The following CENPF variants were observed in gnomAD, a reference collection of about 807,000 sequenced individuals.
The protein encoded by CENPF is centromere protein F, also known as AH antigen.
CENPF carries 214 observed loss-of-function variants against 307.3 expected under a neutral mutation model. The ratio of observed to expected loss-of-function variants is 0.70; its 90% CI spans 0.62 to 0.78. The LOEUF (loss-of-function observed/expected upper bound fraction) is 0.78. CENPF is among the 30% of genes least tolerant of loss of function. CENPF has a pLI of 0.00. For missense variants in CENPF, 3,401 were observed against 3,483.9 expected (o/e 0.98, Z 0.60); for synonymous variants, 1,259 against 1,270.6 (o/e 0.99, Z 0.19).
At chr1:214,624,144 T>C (rs2102541953) in intron 7 of CENPF, among the ~76,000 whole-genome samples, 1 of 152,226 alleles carries the variant, frequency 6.6e-6, no homozygotes, top group South Asian at 2.1e-4. Flanking sequence ...TCTTACAGTG[T>C]ATAATTTAAA....
chr1:214,662,123 T>A (rs1658801950), intron 19 of CENPF, among the ~76,000 whole-genome samples: 1 of 152,168 alleles, frequency 6.6e-6, no homozygotes, highest in Admixed American at 6.5e-5. Context: ...AAGAGGCTTA[T>A]AGGCTCAAAC....
At chr1:214,614,533 A>C (rs1409280018) in intron 2 of CENPF, among the ~76,000 whole-genome samples, 2 of 152,226 alleles carry the variant, frequency 1.3e-5, no homozygotes, top group Non-Finnish European at 1.5e-5. Flanking sequence ...CAAACTTGAA[A>C]ATGAATTGTT....
At chr1:214,654,023 T>C (rs1269541370) in intron 16 of CENPF, 4 of 152,236 alleles carry the variant, frequency 2.6e-5, no homozygotes, top group Non-Finnish European at 5.9e-5. Flanking sequence ...CTCTAACATT[T>C]ACTTGCAACA....
At chr1:214,637,374 A>G (rs1657991200) in intron 10 of CENPF, among the ~76,000 whole-genome samples, 1 of 152,132 alleles carries the variant, frequency 6.6e-6, no homozygotes, top group South Asian at 2.1e-4. Context: ...CTTGATAAGC[A>G]TTTATTGAAG....
intron 1 of CENPF, among the ~76,000 whole-genome samples, chr1:214,604,004 C>T (rs542877503): frequency 6.6e-6 from 1 of 152,004 alleles, no homozygotes; most frequent in African/African-American, 2.4e-5. Context: ...GTGCCCGGCT[C>T]GGCTGTGTAA....
intron 13 of CENPF, 111 bp downstream of exon 13, chr1:214,647,511 G>A: frequency 3.2e-6 from 4 of 1,251,810 alleles, no homozygotes; most frequent in Non-Finnish European, 4.3e-6. Flanking sequence ...CTGCTATATT[G>A]GACCAAACTT....
intron 10 of CENPF, among the ~76,000 whole-genome samples, chr1:214,637,035 C>T (rs1353325705): frequency 6.6e-6 from 1 of 152,142 alleles, no homozygotes. Context: ...ATAGGCCTCC[C>T]TAGTAGTAGA....
At chr1:214,618,460 C>T (rs902292783) in intron 3 of CENPF, 113 bp from the exon 4 acceptor site, 3 of 1,261,662 alleles carry the variant, frequency 2.4e-6, no homozygotes, top group Non-Finnish European at 3.3e-6. Flanking sequence ...GTTAAGAATT[C>T]TTAGTGGATG....
At chr1:214,631,868 C>T (rs570271847) in intron 9 of CENPF, among the ~76,000 whole-genome samples, 3 of 152,170 alleles carry the variant, frequency 2.0e-5, no homozygotes, top group Non-Finnish European at 2.9e-5. Flanking sequence ...ACTCTCCTAC[C>T]AGGTACAAGA....
At chr1:214,633,208 T>C (rs1657857113) in intron 10 of CENPF, among the ~76,000 whole-genome samples, 1 of 152,238 alleles carries the variant, frequency 6.6e-6, no homozygotes, top group South Asian at 2.1e-4. Context: ...ACGGTGTCTT[T>C]GGAGACTTTG....
intron 1 of CENPF, among the ~76,000 whole-genome samples, chr1:214,604,240 A>C (rs572638145): frequency 1.3e-5 from 2 of 152,164 alleles, no homozygotes; most frequent in Non-Finnish European, 2.9e-5. Context: ...TCGGGCATGA[A>C]GAGTGCCCTC....
intron 18 of CENPF, 34 bp from the exon 19 acceptor site, chr1:214,658,816 T>C (rs1317609349): frequency 6.2e-7 from 1 of 1,604,892 alleles, no homozygotes; most frequent in Admixed American, 1.7e-5. Flanking sequence ...GAATTGGACC[T>C]AGCAGTGCTG....
chr1:214,623,047 C>T (rs1382682625), intron 7 of CENPF, among the ~76,000 whole-genome samples: 1 of 152,138 alleles, frequency 6.6e-6, no homozygotes, highest in South Asian at 2.1e-4. Context: ...CTTGTCTCTA[C>T]TACAGGTACA....
chr1:214,630,794 G>GGAGAATGTACA (rs1230164855), intron 9 of CENPF, 132 bp downstream of exon 9: 2 of 1,193,468 alleles, frequency 1.7e-6, no homozygotes, highest in East Asian at 4.9e-5. Flanking sequence ...CTATCAAAGT[G>GGAGAATGTACA]GAGAATGTAC....
intron 14 of CENPF, 56 bp downstream of exon 14, chr1:214,648,883 T>C (rs1658385513): frequency 6.5e-7 from 1 of 1,541,922 alleles, no homozygotes; most frequent in Non-Finnish European, 8.8e-7. Context: ...GTGCACACTC[T>C]CCTTATTGGT....
Position 214,653,055 on chromosome 1 carries a change from T to A in CENPF, c.8322+66T>A, listed in dbSNP as rs1451903741. ...ATACAGGTGGTAGTGATTTTAATGGTATAGCATTAAACGTTTTCATTTTCA... is the reference window on the plus strand; with the variant it reads ...ATACAGGTGGTAGTGATTTTAATGGAATAGCATTAAACGTTTTCATTTTCA... On this transcript the variant is annotated intron_variant, in intron 16 of 19. Transcript: ENST00000366955. 3 of 1,389,866 alleles carry A rather than the reference T, an allele frequency of 2.2e-6. No individual in the cohort carries two copies. In the African/African-American group the frequency reaches 4.2e-5, roughly 20 times the overall value. 86.1% of individuals were successfully genotyped at this position (1,389,866 alleles called of 1,614,324 possible).
At chr1:214,608,917 G>A (rs1657118539) in intron 1 of CENPF, 3 of 1,360,084 alleles carry the variant, frequency 2.2e-6, no homozygotes, top group Non-Finnish European at 1.9e-6. Context: ...GCAGGGGAGG[G>A]GTGGGGGTGC....
intron 12 of CENPF, among the ~76,000 whole-genome samples, chr1:214,643,905 C>T (rs374411702): frequency 6.6e-6 from 1 of 152,170 alleles, no homozygotes; most frequent in Admixed American, 6.5e-5. Flanking sequence ...TTTGTCCTTT[C>T]TAGCCTGCTA....
Position 214,664,081 on chromosome 1 carries a change from A to G in CENPF, c.*287A>G, listed in dbSNP as rs747158340. On this transcript the variant is annotated 3_prime_UTR_variant, in exon 20 of 20. Coordinates refer to ENST00000366955, the MANE Select transcript of CENPF (RefSeq NM_016343.4). ...ATATGTTACAATTAAAATGACAAGCACTATATCACAATCTCTGTTTGTATG... is the reference window on the plus strand; with the variant it reads ...ATATGTTACAATTAAAATGACAAGCGCTATATCACAATCTCTGTTTGTATG... 1 of 263,586 alleles carries G rather than the reference A, an allele frequency of 3.8e-6. No homozygotes were observed. The highest frequency in any genetic ancestry group is 7.4e-5 in the East Asian group (1 of 13,458). The allele number at this position is 263,586 out of a possible 1,614,324, so 16.3% of individuals were successfully genotyped here.
Sources: gnomAD v4.1 joint callset for allele counts (sites outside exome capture counted in the v4.1 genomes callset) on GRCh38, gnomAD v4.1.1 for gene constraint, MANE v1.5 for transcripts, NCBI Gene and HGNC (gene_info 2026-07-23, HGNC 2026-07-21) for gene names.